Variants in CRTAM observed in about 807,000 individuals in gnomAD.
CRTAM encodes the protein cytotoxic and regulatory T cell molecule.
Under a neutral mutation model 50.0 loss-of-function variants are expected in CRTAM, and 44 were observed. That is an observed-to-expected ratio of 0.88 (90% CI 0.69 to 1.13). The LOEUF (loss-of-function observed/expected upper bound fraction) is 1.13. Among genes scored for constraint, CRTAM ranks in the 50% most tolerant of loss-of-function variants. The probability of loss-of-function intolerance (pLI) is 0.00; values close to 1 mark genes in which losing one functional copy is unlikely to be tolerated. For missense variants in CRTAM, 448 were observed against 457.5 expected, an observed-to-expected ratio of 0.98 and a Z score of 0.19; for synonymous variants, 159 against 169.3, an observed-to-expected ratio of 0.94 and a Z score of 0.47.
At chr11:122,850,337 C>CTGT in intron 2 of CRTAM, 123 bp downstream of exon 2, 1 of 903,558 alleles carries the variant, frequency 1.1e-6, no homozygotes, top group Non-Finnish European at 1.6e-6. Flanking sequence ...AGCCCACCTA[C>CTGT]TGTTACACAT....
rs374794158 is a variant in CRTAM at position 122,860,845 on chromosome 11, C to T, written c.653-1619C>T. On this transcript the variant is annotated intron_variant, in intron 5 of 9. Coordinates refer to ENST00000227348, the MANE Select transcript of CRTAM (RefSeq NM_019604.4). Reference sequence around the variant, plus strand: ...TTGGCCTCCTGAGTAGTTGGAACTACAGGGGCGCACCACCATGCCCAGCTA... The same window carrying T: ...TTGGCCTCCTGAGTAGTTGGAACTATAGGGGCGCACCACCATGCCCAGCTA... Among the ~76,000 whole-genome samples, 704 of 152,114 alleles carry T rather than the reference C, an allele frequency of 4.6e-3. 14 individuals are homozygous for T. The highest frequency in any genetic ancestry group is 0.026 in the South Asian group (124 of 4,810).
intron 2 of CRTAM, among the ~76,000 whole-genome samples, 162 bp from the exon 3 acceptor site, chr11:122,851,531 C>T (rs1326949833): frequency 6.6e-6 from 1 of 152,160 alleles, no homozygotes; most frequent in Non-Finnish European, 1.5e-5. Context: ...GTTCCCCACC[C>T]GGAATGATCT....
At chr11:122,869,650 G>A (rs1274249583) in intron 9 of CRTAM, among the ~76,000 whole-genome samples, 3 of 152,138 alleles carry the variant, frequency 2.0e-5, no homozygotes, top group Non-Finnish European at 4.4e-5. Context: ...TACCCGCCAG[G>A]AGCTGCAAGA....
intron 1 of CRTAM, among the ~76,000 whole-genome samples, chr11:122,848,612 T>A (rs1432131355): frequency 2.6e-5 from 4 of 152,192 alleles, no homozygotes; most frequent in African/African-American, 9.6e-5. Flanking sequence ...GACCTAGGAA[T>A]GGAACAAACA....
rs34068369 is a variant in CRTAM, at chr11:122,853,070, CT to C, written c.347-860del. Among the ~76,000 whole-genome samples, 607 of 143,778 alleles carry C rather than the reference CT, an allele frequency of 4.2e-3. 1 individual carries two copies. Among genetic ancestry groups the C allele is most frequent in the African/African-American group, 6.7e-3 (264 of 39,340 alleles). The allele number at this position is 143,778 out of a possible 152,430, so 94.3% of individuals were successfully genotyped here. ...CATGCCCTTTATAAGATAAATGCACCTTTTTTTTTTTTTGATGGGGTCTTGC... is the reference window on the plus strand; with the variant it reads ...CATGCCCTTTATAAGATAAATGCACCTTTTTTTTTTTTGATGGGGTCTTGC... On this transcript the variant is annotated intron_variant, in intron 3 of 9. Coordinates refer to ENST00000227348, the MANE Select transcript of CRTAM (RefSeq NM_019604.4).
At chr11:122,843,153 T>C (rs1861820114) in intron 1 of CRTAM, among the ~76,000 whole-genome samples, 1 of 152,234 alleles carries the variant, frequency 6.6e-6, no homozygotes, top group Non-Finnish European at 1.5e-5. Context: ...AGATGGCTGT[T>C]ACTGCTGCTT....
At chr11:122,847,913 T>C (rs1861885414) in intron 1 of CRTAM, among the ~76,000 whole-genome samples, 1 of 152,244 alleles carries the variant, frequency 6.6e-6, no homozygotes, top group African/African-American at 2.4e-5. Flanking sequence ...TATGGTAGAA[T>C]GTCTTCTGGA....
intron 1 of CRTAM, among the ~76,000 whole-genome samples, chr11:122,842,098 C>T (rs1474160474): frequency 6.6e-6 from 1 of 152,102 alleles, no homozygotes; most frequent in African/African-American, 2.4e-5. Flanking sequence ...TTTCTGGAAA[C>T]AGCAAGTGGA....
intron 3 of CRTAM, among the ~76,000 whole-genome samples, chr11:122,852,909 T>C (rs1861950453): frequency 6.6e-6 from 1 of 152,172 alleles, no homozygotes; most frequent in Admixed American, 6.5e-5. Context: ...TATAAGGTCT[T>C]GATGGCAGAT....
chr11:122,858,072 C>T (rs1199312972), intron 5 of CRTAM, among the ~76,000 whole-genome samples: 1 of 151,978 alleles, frequency 6.6e-6, no homozygotes, highest in Non-Finnish European at 1.5e-5. Flanking sequence ...ACCACTACAT[C>T]TGGCTAATTT....
Position 122,854,086 on chromosome 11 carries a change from G to C in CRTAM, c.490G>C (p.Gly164Arg), listed in dbSNP as rs190108666. 3.1e-6 allele frequency: 5 copies of C among 1,609,504 alleles called. No homozygotes were observed. The highest frequency in any genetic ancestry group is 1.3e-5 in the African/African-American group (1 of 74,812). ...ACTTGGGAATAGCATGGAAGTGTCC[G>C]GTAAGGGGAGAAATGGTTCTCTTTG... is the stretch of plus-strand genomic sequence containing the variant. ...WLLGNSMEVS[G>R]GTLHEFETDG... Residue 164 changes from glycine to arginine, a missense_variant and splice_region_variant, in exon 4 of 10, where the codon GGT becomes CGT. Gly to Arg is a moderately radical substitution (Grantham distance 125, BLOSUM62 -2). Coordinates refer to ENST00000227348, the MANE Select transcript of CRTAM (RefSeq NM_019604.4).
chr11:122,866,320 A>C (rs1301963714), intron 7 of CRTAM, among the ~76,000 whole-genome samples: 2 of 152,126 alleles, frequency 1.3e-5, no homozygotes, highest in African/African-American at 4.8e-5. Flanking sequence ...TTTTTTGACC[A>C]ACTCAACCCT....
intron 1 of CRTAM, among the ~76,000 whole-genome samples, chr11:122,847,474 C>T (rs1480642035): frequency 6.6e-6 from 1 of 152,084 alleles, no homozygotes; most frequent in Non-Finnish European, 1.5e-5. Flanking sequence ...ACTTTGGTTC[C>T]AAAATGAAAT....
rs948954971 is a variant in CRTAM, at chr11:122,855,638, G to A, written c.491-57G>A. On this transcript the variant is annotated intron_variant, in intron 4 of 9. Coordinates refer to ENST00000227348, the MANE Select transcript of CRTAM (RefSeq NM_019604.4). ...AAGTCAAGGCCATTGGCCTCTAATA[G>A]AACCAACCTCATCCAGTAGCATTAA... 4.6e-6 allele frequency: 7 copies of A among 1,521,418 alleles called. No individual in the cohort carries two copies. In the Admixed American group the frequency reaches 1.2e-4, roughly 27 times the overall value. The allele number at this position is 1,521,418 out of a possible 1,614,324, so 94.2% of individuals were successfully genotyped here.
intron 5 of CRTAM, among the ~76,000 whole-genome samples, chr11:122,856,504 A>G (rs969119854): frequency 1.3e-5 from 2 of 152,238 alleles, no homozygotes; most frequent in Non-Finnish European, 1.5e-5. Context: ...ATCCTTTAAG[A>G]TGCATGAGTC....
intron 4 of CRTAM, 27 bp downstream of exon 4, chr11:122,854,113 C>T (rs1735910928): frequency 6.2e-7 from 1 of 1,601,980 alleles, no homozygotes; most frequent in Non-Finnish European, 8.5e-7. Context: ...TTCTCTTTGT[C>T]TTCCTTCCTA....
At chr11:122,865,547 A>G (rs529941754) in intron 7 of CRTAM, among the ~76,000 whole-genome samples, 1 of 152,206 alleles carries the variant, frequency 6.6e-6, no homozygotes, top group East Asian at 1.9e-4. Context: ...CCACCTCCCA[A>G]ATAGCTGGGA....
At chr11:122,860,398 G>A (rs1013907009) in intron 5 of CRTAM, among the ~76,000 whole-genome samples, 3 of 152,042 alleles carry the variant, frequency 2.0e-5, no homozygotes, top group South Asian at 2.1e-4. Context: ...TTAAATAGTC[G>A]TTGGAGCTAG....
intron 1 of CRTAM, among the ~76,000 whole-genome samples, chr11:122,839,009 A>G (rs1861767504): frequency 6.6e-6 from 1 of 152,124 alleles, no homozygotes; most frequent in Admixed American, 6.5e-5. Flanking sequence ...GCTCACTGCA[A>G]GCTCCGCCTC....
Sources: gnomAD v4.1 joint callset for allele counts (sites outside exome capture counted in the v4.1 genomes callset) on GRCh38, gnomAD v4.1.1 for gene constraint, MANE v1.5 for transcripts, NCBI Gene and HGNC (gene_info 2026-07-23, HGNC 2026-07-21) for gene names.